Variants in FN1 observed in about 807,000 individuals in gnomAD.
FN1 encodes fibronectin 1.
In FN1, 106 loss-of-function variants were observed where a neutral mutation model predicts 297.3. The ratio of observed to expected loss-of-function variants is 0.36; its 90% CI spans 0.30 to 0.42. FN1 has a LOEUF of 0.42. Among genes scored for constraint, FN1 ranks in the 10% least tolerant of loss-of-function variants. The pLI, the probability that FN1 is intolerant of heterozygous loss-of-function variation, is 1.00. For synonymous variants in FN1, 1,149 were observed against 1,152.6 expected (o/e 1.00, Z 0.06); for missense variants, 2,690 against 3,124.9 (o/e 0.86, Z 3.32).
At chr2:215,412,180 G>A (rs1379581428) in intron 13 of FN1, among the ~76,000 whole-genome samples, 1 of 131,554 alleles carries the variant, frequency 7.6e-6, no homozygotes, top group African/African-American at 2.6e-5. Context: ...AGAAGAAAAA[G>A]AATGACTTTT....
intron 20 of FN1, among the ~76,000 whole-genome samples, chr2:215,402,597 G>T (rs1339144510): frequency 1.3e-5 from 2 of 152,152 alleles, no homozygotes; most frequent in African/African-American, 4.8e-5. Flanking sequence ...CTTAGGGAGT[G>T]CTTAAAGTTC....
At chr2:215,379,604 A>T in intron 33 of FN1, 2 of 236,356 alleles carry the variant, frequency 8.5e-6, no homozygotes, top group Non-Finnish European at 1.6e-5. Context: ...GCTTTCCCTT[A>T]AAAAAAAAAG....
At chr2:215,434,412 T>TC (rs2067087328) in intron 2 of FN1, among the ~76,000 whole-genome samples, 1 of 151,952 alleles carries the variant, frequency 6.6e-6, no homozygotes, top group Non-Finnish European at 1.5e-5. Context: ...TAAGCAATTT[T>TC]TTTTGTCGGA....
chr2:215,380,106 G>A (rs1209779503), intron 33 of FN1: 1 of 152,472 alleles, frequency 6.6e-6, no homozygotes, highest in Non-Finnish European at 1.5e-5. Context: ...TGGACCCTAT[G>A]GCAGATATGG....
chr2:215,427,701 A>G (rs1032163395), intron 6 of FN1, among the ~76,000 whole-genome samples: 3 of 152,240 alleles, frequency 2.0e-5, no homozygotes, highest in South Asian at 2.1e-4. Context: ...AAAAGAGTTC[A>G]ATGTCGGGAC....
chr2:215,428,048 TA>T, intron 6 of FN1, 131 bp downstream of exon 6: 1 of 1,124,676 alleles, frequency 8.9e-7, no homozygotes, highest in Non-Finnish European at 1.3e-6. Context: ...CAATAATGTG[TA>T]AATTATCTTA....
intron 12 of FN1, among the ~76,000 whole-genome samples, chr2:215,415,791 T>C (rs2063353806): frequency 6.6e-6 from 1 of 152,136 alleles, no homozygotes; most frequent in Non-Finnish European, 1.5e-5. Flanking sequence ...GGAAGTAGCA[T>C]CAATTTCTAA....
At chr2:215,374,765 A>G (rs144374844) in intron 38 of FN1, among the ~76,000 whole-genome samples, 88 of 152,288 alleles carry the variant, frequency 5.8e-4, no homozygotes, top group African/African-American at 2.0e-3. Flanking sequence ...CATTCTTCCA[A>G]TGTGGGTGGT....
At position 215,362,070 on chromosome 2, in the gene FN1, A is replaced by T. The variant is rs2053568057; in HGVS notation, c.7261T>A (p.Cys2421Ser). The change falls in exon 45 of 46, where the codon TGT becomes AGT. Residue 2421 changes from cysteine (C) to serine (S), a missense_variant. Physicochemically the swap from Cys to Ser is moderately radical, Grantham distance 112 (BLOSUM62 -1). Coordinates refer to ENST00000354785, the MANE Select transcript of FN1 (RefSeq NM_212482.4). The part of the protein sequence containing the change: ...TCFGGQRGWR[C>S]DNCRRPGGEP... ...CCCCCAGGTCTGCGGCAGTTGTCACAGCGCCAGCCCTGAGAGAGTAGAGGC... is the reference window on the plus strand; with the variant it reads ...CCCCCAGGTCTGCGGCAGTTGTCACTGCGCCAGCCCTGAGAGAGTAGAGGC... 6.2e-7 allele frequency: 1 copy of T among 1,613,752 alleles called. No individual in the cohort carries two copies. The highest frequency in any genetic ancestry group is 1.7e-5 in the Admixed American group (1 of 60,006).
Position 215,378,265 on chromosome 2 carries a change from A to T in FN1, c.5623-3T>A. On this transcript the variant is annotated splice_region_variant and splice_polypyrimidine_tract_variant and intron_variant, in intron 34 of 45. Transcript: ENST00000354785. ...CTCACTTCATATTTGGTGGCCACCT[A>T]GAGAAATAAGGGCATGGTGAGCTTT... 6.3e-7 allele frequency: 1 copy of T among 1,583,602 alleles called. No individual in the cohort carries two copies.
At chr2:215,433,197 C>T in intron 3 of FN1, 127 bp downstream of exon 3, 1 of 1,136,412 alleles carries the variant, frequency 8.8e-7, no homozygotes, top group Non-Finnish European at 1.3e-6. Context: ...CTTAAGAGTA[C>T]CTGGTCACCA....
At chr2:215,376,717 T>C in intron 35 of FN1, 43 bp from the exon 36 acceptor site, 1 of 1,589,260 alleles carries the variant, frequency 6.3e-7, no homozygotes, top group African/African-American at 1.3e-5. Flanking sequence ...GCTTGGCTCA[T>C]CCATGTAAAG....
At chr2:215,423,324 G>A in intron 9 of FN1, 26 bp downstream of exon 9, 1 of 1,612,648 alleles carries the variant, frequency 6.2e-7, no homozygotes, top group Non-Finnish European at 8.5e-7. Context: ...TGTCAAACAA[G>A]ACAACCCACA....
chr2:215,367,261 T>G (rs1271719602), intron 42 of FN1, among the ~76,000 whole-genome samples: 3 of 152,218 alleles, frequency 2.0e-5, no homozygotes, highest in Admixed American at 1.3e-4. Context: ...TTAAAAAATT[T>G]GAAAATTAAA....
At chr2:215,434,911 A>T in intron 1 of FN1, 87 bp from the exon 2 acceptor site, 2 of 1,420,234 alleles carry the variant, frequency 1.4e-6, no homozygotes. Flanking sequence ...ATTGACGTAC[A>T]TATTTTTTTC....
intron 12 of FN1, among the ~76,000 whole-genome samples, chr2:215,417,837 C>T (rs2063663112): frequency 6.6e-6 from 1 of 152,174 alleles, no homozygotes; most frequent in South Asian, 2.1e-4. Context: ...CACCTAAATG[C>T]TTCCAGCAAG....
At position 215,361,060 on chromosome 2, in the gene FN1, T is replaced by C. The variant is rs2053368858; in HGVS notation, c.*495A>G. The stretch of plus-strand genomic sequence containing the variant: ...ATAAATAACAGGTAAGAGAAAGATA[T>C]TTCTAGGCAATTACTAGGATCATTT... On this transcript the variant is annotated 3_prime_UTR_variant, in exon 46 of 46. Coordinates refer to ENST00000354785, the MANE Select transcript of FN1 (RefSeq NM_212482.4). 1 of 156,956 alleles carries C rather than the reference T, an allele frequency of 6.4e-6. No homozygotes were observed. 9.7% of individuals were successfully genotyped at this position (156,956 alleles called of 1,614,324 possible).
chr2:215,414,821 TG>T lies in FN1; in HGVS notation c.1941+15del. On this transcript the variant is annotated intron_variant, in intron 13 of 45. Coordinates refer to ENST00000354785, the MANE Select transcript of FN1 (RefSeq NM_212482.4). Reference sequence around the variant, plus strand: ...TAGGAGACTCAGTATCCAAGGTTTCTGGGTGGGATACTCACAGGTCTCCACC... The same window carrying T: ...TAGGAGACTCAGTATCCAAGGTTTCTGGTGGGATACTCACAGGTCTCCACC... The T allele has an allele frequency of 6.2e-7, 1 of 1,613,786 alleles. No homozygotes were observed.
chr2:215,409,175 A>G (rs2062209225), intron 15 of FN1, among the ~76,000 whole-genome samples: 1 of 152,162 alleles, frequency 6.6e-6, no homozygotes, highest in Non-Finnish European at 1.5e-5. Flanking sequence ...CACACACTTC[A>G]GTGCGCCAAT....
Sources: allele counts gnomAD v4.1 joint callset (sites outside exome capture counted in the v4.1 genomes callset), GRCh38; gene constraint gnomAD v4.1.1; transcripts MANE v1.5; gene names NCBI Gene and HGNC (gene_info 2026-07-23, HGNC 2026-07-21).